The following FAM3C variants were observed in gnomAD, a reference collection of about 807,000 sequenced individuals.
FAM3C encodes FAM3 metabolism regulating signaling molecule C.
A neutral mutation model predicts 32.5 loss-of-function variants in FAM3C; 15 were observed. The observed-to-expected ratio is 0.46, with a 90% CI of 0.31 to 0.71. FAM3C has a LOEUF of 0.71. FAM3C is among the 30% of genes least tolerant of loss of function. FAM3C has a pLI of 0.05. For missense variants in FAM3C, 175 were observed against 274.4 expected (o/e 0.64, Z 2.56); for synonymous variants, 75 against 86.1 (o/e 0.87, Z 0.72).
chr7:121,364,107 TA>T, intron 6 of FAM3C, 22 bp downstream of exon 6: 1 of 1,506,466 alleles, frequency 6.6e-7, no homozygotes, highest in Non-Finnish European at 9.2e-7. Flanking sequence ...ATTACATCCA[TA>T]AGCTAAAATA....
intron 1 of FAM3C, among the ~76,000 whole-genome samples, chr7:121,392,391 G>C (rs547893224): frequency 2.7e-4 from 41 of 152,128 alleles, no homozygotes; most frequent in Non-Finnish European, 4.6e-4. Flanking sequence ...AGAGAAGAGA[G>C]AGAGTGCAGG....
intron 5 of FAM3C, 90 bp downstream of exon 5, chr7:121,371,210 G>A (rs557879010): frequency 2.8e-5 from 40 of 1,442,492 alleles, no homozygotes; most frequent in Admixed American, 1.2e-4. Context: ...AAAGTATACC[G>A]AACACATTTT....
At chr7:121,386,710 T>C (rs1794472068) in intron 1 of FAM3C, among the ~76,000 whole-genome samples, 1 of 151,496 alleles carries the variant, frequency 6.6e-6, no homozygotes, top group African/African-American at 2.4e-5. Context: ...TATATATATA[T>C]ATGTAATTGG....
chr7:121,391,571 G>A (rs78969097), intron 1 of FAM3C, among the ~76,000 whole-genome samples: 5,234 of 152,140 alleles, frequency 0.034, 325 homozygotes, highest in African/African-American at 0.12. Context: ...CCTGTTCTAC[G>A]TGTTTAAGAA....
intron 5 of FAM3C, among the ~76,000 whole-genome samples, chr7:121,369,260 C>CATGAG (rs1343367635): frequency 1.3e-5 from 2 of 152,032 alleles, no homozygotes; most frequent in Admixed American, 6.6e-5. Context: ...GGATTACAGG[C>CATGAG]ATGAGCCACC....
In FAM3C at chr7:121,375,833, T is replaced by G. The variant is rs115726974; in HGVS notation, c.118+3077A>C. ...CTTCTCCCAAACATCCTCCTTTCCTTGCTGGTTCAGTCTCTTCGCATTCAT... is the reference window on the plus strand; with the variant it reads ...CTTCTCCCAAACATCCTCCTTTCCTGGCTGGTTCAGTCTCTTCGCATTCAT... On this transcript the variant is annotated intron_variant, in intron 3 of 9. Coordinates refer to ENST00000359943, the MANE Select transcript of FAM3C (RefSeq NM_014888.3). Among the ~76,000 whole-genome samples the G allele has an allele frequency of 8.1e-3, 1,227 of 152,326 alleles. 13 individuals carry two copies. Among genetic ancestry groups the G allele is most frequent in the African/African-American group, 0.027 (1,120 of 41,574 alleles).
intron 5 of FAM3C, among the ~76,000 whole-genome samples, chr7:121,368,972 G>GTTTTTTTTTTTT (rs563834740): frequency 1.0e-5 from 1 of 96,168 alleles, no homozygotes; most frequent in Non-Finnish European, 2.0e-5. Context: ...TGTTGTTGTT[G>GTTTTTTTTTTTT]TTTTTTTTTT....
At chr7:121,373,879 T>C (rs573429016) in intron 3 of FAM3C, among the ~76,000 whole-genome samples, 1 of 148,996 alleles carries the variant, frequency 6.7e-6, no homozygotes, top group Non-Finnish European at 1.5e-5. Context: ...AAAAAAAAAA[T>C]TAGCCGGGCG....
At chr7:121,351,374 A>G in intron 8 of FAM3C, 105 bp from the exon 9 acceptor site, 1 of 1,049,054 alleles carries the variant, frequency 9.5e-7, no homozygotes. Flanking sequence ...TGAGACTTTA[A>G]ATAACAGAAC....
chr7:121,387,287 A>G (rs1401068507), intron 1 of FAM3C, among the ~76,000 whole-genome samples: 1 of 152,076 alleles, frequency 6.6e-6, no homozygotes, highest in Non-Finnish European at 1.5e-5. Context: ...GTCAACCCCT[A>G]ATAAAAAGAA....
chr7:121,371,286 C>T lies in FAM3C; in HGVS notation c.272+14G>A. On this transcript the variant is annotated intron_variant, in intron 5 of 9. Transcript: ENST00000359943. The stretch of plus-strand genomic sequence containing the variant: ...AATAGCACACCTTATCGTCTCAAGT[C>T]AACAAAGACTTACACATTATCTTCC... The T allele has an allele frequency of 6.2e-7, 1 of 1,611,994 alleles. No individual in the cohort carries two copies. Among genetic ancestry groups the T allele is most frequent in the Non-Finnish European group, 8.5e-7 (1 of 1,179,546 alleles).
intron 1 of FAM3C, among the ~76,000 whole-genome samples, chr7:121,395,249 A>G (rs994590246): frequency 2.1e-5 from 1 of 48,200 alleles, no homozygotes; most frequent in East Asian, 2.7e-4. Context: ...ATACATATAT[A>G]TGGATACATA....
At chr7:121,352,377 T>C (rs924201339) in intron 8 of FAM3C, among the ~76,000 whole-genome samples, 4 of 152,332 alleles carry the variant, frequency 2.6e-5, no homozygotes, top group East Asian at 1.9e-4. Flanking sequence ...TAAACTTTCA[T>C]GATTGATGCC....
chr7:121,374,974 TG>T (rs1283992177), intron 3 of FAM3C, among the ~76,000 whole-genome samples: 3 of 152,208 alleles, frequency 2.0e-5, no homozygotes, highest in Non-Finnish European at 4.4e-5. Flanking sequence ...TACCTACATT[TG>T]TTTTCACTCA....
chr7:121,363,987 G>T (rs1793975163), intron 6 of FAM3C, 143 bp downstream of exon 6: 2 of 585,036 alleles, frequency 3.4e-6, no homozygotes, highest in African/African-American at 3.8e-5. Context: ...TCCACCCATA[G>T]ATTTTTTGCA....
intron 5 of FAM3C, among the ~76,000 whole-genome samples, chr7:121,370,172 A>T (rs925939404): frequency 6.6e-5 from 10 of 152,230 alleles, no homozygotes; most frequent in Admixed American, 1.3e-4. Flanking sequence ...GTAAAACAGG[A>T]CTATTCTAAT....
At chr7:121,357,556 C>G (rs1301694322) in intron 8 of FAM3C, among the ~76,000 whole-genome samples, 1 of 152,042 alleles carries the variant, frequency 6.6e-6, no homozygotes, top group Non-Finnish European at 1.5e-5. Flanking sequence ...TTGTCCATTT[C>G]AGTATAAAAG....
chr7:121,363,807 C>T (rs1392208231), intron 6 of FAM3C, among the ~76,000 whole-genome samples: 1 of 152,170 alleles, frequency 6.6e-6, no homozygotes, highest in East Asian at 1.9e-4. Flanking sequence ...TTTCATACGC[C>T]TTTAATCCTG....
intron 6 of FAM3C, 74 bp from the exon 7 acceptor site, chr7:121,363,021 C>A (rs1793956220): frequency 1.4e-6 from 1 of 703,966 alleles, no homozygotes; most frequent in Admixed American, 2.6e-5. Flanking sequence ...TAATCTCATC[C>A]AATGATTGAT....
Sources: gnomAD v4.1 joint callset for allele counts (sites outside exome capture counted in the v4.1 genomes callset) on GRCh38, gnomAD v4.1.1 for gene constraint, MANE v1.5 for transcripts, NCBI Gene and HGNC (gene_info 2026-07-23, HGNC 2026-07-21) for gene names.